Variants in MIS18A observed in about 807,000 individuals in gnomAD.
The protein encoded by MIS18A is MIS18 kinetochore protein A, also known as protein Mis18-alpha.
A neutral mutation model predicts 25.0 loss-of-function variants in MIS18A; 14 were observed. The observed-to-expected ratio is 0.56, with a 90% CI of 0.37 to 0.88. The LOEUF is 0.88. Ranked by LOEUF, MIS18A falls within the 40% of genes least tolerant of loss-of-function variation. The pLI, the probability that MIS18A is intolerant of heterozygous loss-of-function variation, is 0.00. For synonymous variants in MIS18A, 134 were observed against 118.6 expected, an observed-to-expected ratio of 1.13 and a Z score of -0.84; for missense variants, 292 against 290.8, an observed-to-expected ratio of 1.00 and a Z score of -0.03.
At chr21:32,259,089 G>A in the MIS18A span, among the ~76,000 whole-genome samples, 1 of 152,072 alleles carries the variant, frequency 6.6e-6, no homozygotes, top group African/African-American at 2.4e-5. Flanking sequence ...GCCCAGGCCA[G>A]TCTCGAACTC....
the MIS18A span, among the ~76,000 whole-genome samples, chr21:32,246,471 T>G: frequency 6.6e-6 from 1 of 152,120 alleles, no homozygotes; most frequent in African/African-American, 2.4e-5. Flanking sequence ...TTTAGGAGTC[T>G]GGCAGGGGGG....
chr21:32,175,891 CCTTT>C, the MIS18A span, among the ~76,000 whole-genome samples: 2 of 152,150 alleles, frequency 1.3e-5, no homozygotes, highest in African/African-American at 4.8e-5. Context: ...ATTCCATATG[CCTTT>C]CTGTTTTAAT....
chr21:32,257,880 G>A, the MIS18A span, among the ~76,000 whole-genome samples: 1 of 152,168 alleles, frequency 6.6e-6, no homozygotes, highest in Admixed American at 6.5e-5. Flanking sequence ...TGGAAGTCTG[G>A]CATAAAATGT....
the MIS18A span, among the ~76,000 whole-genome samples, chr21:32,196,345 A>G: frequency 6.6e-6 from 1 of 152,080 alleles, no homozygotes; most frequent in Non-Finnish European, 1.5e-5. Context: ...AACTCACACC[A>G]TCAGCTCTAC....
At chr21:32,273,661 A>C (rs772494501) in intron 2 of MIS18A, among the ~76,000 whole-genome samples, 1 of 152,122 alleles carries the variant, frequency 6.6e-6, no homozygotes, top group African/African-American at 2.4e-5. Flanking sequence ...GGTAGCTCCT[A>C]ATGTGATGGT....
chr21:32,166,085 G>C, the MIS18A span, among the ~76,000 whole-genome samples: 6,841 of 152,196 alleles, frequency 0.045, 187 homozygotes, highest in East Asian at 0.12. Context: ...GAGTTGCCAG[G>C]GGGTGAGGGG....
the MIS18A span, among the ~76,000 whole-genome samples, chr21:32,228,790 A>T: frequency 3.3e-5 from 5 of 152,216 alleles, no homozygotes; most frequent in African/African-American, 1.2e-4. Flanking sequence ...GCTTAGGAGT[A>T]AATTTAACAA....
the MIS18A span, among the ~76,000 whole-genome samples, chr21:32,253,741 T>TA: frequency 6.6e-6 from 1 of 152,158 alleles, no homozygotes; most frequent in East Asian, 1.9e-4. Flanking sequence ...GGCAGGCTGC[T>TA]ATCTGATTAG....
the MIS18A span, among the ~76,000 whole-genome samples, chr21:32,202,179 C>T: frequency 6.6e-6 from 1 of 151,962 alleles, no homozygotes; most frequent in African/African-American, 2.4e-5. Context: ...GTCCCAACTA[C>T]TTGGGAGGCT....
the MIS18A span, among the ~76,000 whole-genome samples, chr21:32,205,931 C>A: frequency 6.6e-6 from 1 of 152,136 alleles, no homozygotes; most frequent in South Asian, 2.1e-4. Flanking sequence ...TTGAGAGACC[C>A]CCCCCATTCC....
the MIS18A span, among the ~76,000 whole-genome samples, chr21:32,262,588 T>G: frequency 0.011 from 1,714 of 152,174 alleles, 34 homozygotes; most frequent in African/African-American, 0.039. Context: ...ATGGTCTCAC[T>G]TCCCCCCTTT....
chr21:32,257,963 A>G, the MIS18A span, among the ~76,000 whole-genome samples: 2 of 152,244 alleles, frequency 1.3e-5, no homozygotes, highest in Admixed American at 1.3e-4. Flanking sequence ...GTCTTGACCC[A>G]TAACAAGATA....
At chr21:32,276,276 T>C (rs2031807036) in intron 1 of MIS18A, among the ~76,000 whole-genome samples, 1 of 151,254 alleles carries the variant, frequency 6.6e-6, no homozygotes, top group Non-Finnish European at 1.5e-5. Context: ...CTGGCTAACA[T>C]GGTGAAACCC....
chr21:32,200,049 G>T, the MIS18A span, among the ~76,000 whole-genome samples: 27 of 152,200 alleles, frequency 1.8e-4, no homozygotes, highest in African/African-American at 6.0e-4. Flanking sequence ...GGGATACTCG[G>T]CAGTTGCCTG....
chr21:32,274,904 C>T lies in MIS18A; in HGVS notation c.335-8G>A. 1 of 1,604,858 alleles carries T rather than the reference C, an allele frequency of 6.2e-7. No individual in the cohort carries two copies. The highest frequency in any genetic ancestry group is 8.5e-7 in the Non-Finnish European group (1 of 1,173,116). The stretch of plus-strand genomic sequence containing the variant: ...AAACATTACAGGAAACACCTAGAAA[C>T]AGAGAAAGTAACAATAATTTATTAA... On this transcript the variant is annotated splice_polypyrimidine_tract_variant and splice_region_variant and intron_variant, in intron 1 of 4. Coordinates refer to ENST00000290130, the MANE Select transcript of MIS18A (RefSeq NM_018944.3).
At chr21:32,254,489 T>A in the MIS18A span, among the ~76,000 whole-genome samples, 3 of 149,354 alleles carry the variant, frequency 2.0e-5, no homozygotes, top group Non-Finnish European at 4.5e-5. Context: ...CAAGATTGCG[T>A]CATTGCACTC....
At chr21:32,267,990 T>C (rs1185477078), downstream of MIS18A, among the ~76,000 whole-genome samples, 1 of 152,208 alleles carries the variant, frequency 6.6e-6, no homozygotes, top group African/African-American at 2.4e-5. Context: ...ACTTTAGTAT[T>C]CTCACAAGTA....
At chr21:32,167,990 A>T in the MIS18A span, among the ~76,000 whole-genome samples, 1 of 152,180 alleles carries the variant, frequency 6.6e-6, no homozygotes, top group Non-Finnish European at 1.5e-5. Flanking sequence ...GTTCCCAATG[A>T]ATGATGTTTG....
chr21:32,156,469 A>G, the MIS18A span: 1 of 152,220 alleles, frequency 6.6e-6, no homozygotes, highest in Non-Finnish European at 1.5e-5. Flanking sequence ...GAGGATTTAC[A>G]TGAGCAGATT....
Sources: gnomAD v4.1 joint callset for allele counts (sites outside exome capture counted in the v4.1 genomes callset) on GRCh38, gnomAD v4.1.1 for gene constraint, MANE v1.5 for transcripts, NCBI Gene and HGNC (gene_info 2026-07-23, HGNC 2026-07-21) for gene names.